The following CSNK2A1 variants were observed in gnomAD, a reference collection of about 807,000 sequenced individuals.
The protein encoded by CSNK2A1 is casein kinase 2 alpha 1.
CSNK2A1 carries 10 observed loss-of-function variants against 62.9 expected under a neutral mutation model. The ratio of observed to expected loss-of-function variants is 0.16; its 90% CI spans 0.10 to 0.27. The LOEUF is 0.27. CSNK2A1 is among the 10% of genes least tolerant of loss of function. The pLI is 1.00. For missense variants in CSNK2A1, 160 were observed against 492.0 expected (o/e 0.33, Z 6.38); for synonymous variants, 124 against 167.8 (o/e 0.74, Z 2.02).
intron 11 of CSNK2A1, 26 bp downstream of exon 11, chr20:488,652 T>C (rs1211048795): frequency 6.2e-7 from 1 of 1,605,992 alleles, no homozygotes; most frequent in African/African-American, 1.3e-5. Context: ...AAGCCACAGA[T>C]GCACATATTT....
At chr20:542,955 A>G (rs1282615020) in intron 1 of CSNK2A1, 3 of 152,394 alleles carry the variant, frequency 2.0e-5, no homozygotes, top group Admixed American at 2.0e-4. Context: ...ATGTTCCAAC[A>G]CTGCAAAAAA....
intron 2 of CSNK2A1, among the ~76,000 whole-genome samples, chr20:523,668 G>T (rs953294218): frequency 1.3e-5 from 2 of 152,024 alleles, no homozygotes; most frequent in Non-Finnish European, 2.9e-5. Flanking sequence ...GAAGCGGATG[G>T]ATCACAAGGT....
intron 1 of CSNK2A1, among the ~76,000 whole-genome samples, chr20:535,205 C>G (rs1402898388): frequency 6.6e-6 from 1 of 151,614 alleles, no homozygotes; most frequent in Non-Finnish European, 1.5e-5. Context: ...AAAAAATTAA[C>G]AACTACCCAC....
chr20:476,904 T>G lies in CSNK2A1; in HGVS notation c.*7057A>C, dbSNP rs2017859466. The G allele has an allele frequency of 6.6e-6, 1 of 152,242 alleles. No homozygotes were observed. The highest frequency in any genetic ancestry group is 1.9e-4 in the East Asian group (1 of 5,182). 9.4% of individuals were successfully genotyped at this position (152,242 alleles called of 1,614,324 possible). On this transcript the variant is annotated 3_prime_UTR_variant, in exon 14 of 14. Transcript: ENST00000217244. ...CTTTTTTTCAATTAATAACAACTTCTTTTACAGACAGGGTCTCACTCTGTT... is the reference window on the plus strand; with the variant it reads ...CTTTTTTTCAATTAATAACAACTTCGTTTACAGACAGGGTCTCACTCTGTT...
chr20:537,819 C>T (rs574953602), intron 1 of CSNK2A1, among the ~76,000 whole-genome samples: 105 of 152,154 alleles, frequency 6.9e-4, no homozygotes, highest in Non-Finnish European at 6.8e-4. Flanking sequence ...TCAAGTATCA[C>T]ATTATTTATT....
chr20:497,672 C>T, intron 7 of CSNK2A1, 49 bp downstream of exon 7: 1 of 1,499,736 alleles, frequency 6.7e-7, no homozygotes, highest in Non-Finnish European at 9.2e-7. Flanking sequence ...GACTATTTAA[C>T]AAAAAGAAGA....
intron 1 of CSNK2A1, among the ~76,000 whole-genome samples, chr20:531,341 G>C (rs2019208364): frequency 1.3e-5 from 2 of 152,104 alleles, no homozygotes; most frequent in African/African-American, 2.4e-5. Flanking sequence ...ACCCAATGGA[G>C]ATACCACACG....
intron 8 of CSNK2A1, among the ~76,000 whole-genome samples, chr20:493,133 CCT>C (rs1302087109): frequency 1.3e-5 from 2 of 152,204 alleles, no homozygotes; most frequent in African/African-American, 2.4e-5. Flanking sequence ...TCAGTCTCCC[CCT>C]GTTCGGTTAA....
intron 8 of CSNK2A1, among the ~76,000 whole-genome samples, chr20:493,219 A>G (rs998948037): frequency 6.6e-6 from 1 of 152,118 alleles, no homozygotes; most frequent in Non-Finnish European, 1.5e-5. Context: ...CAGACCTCAC[A>G]TTTAATCTGT....
In CSNK2A1 at chr20:526,997, C is replaced by CAGAGAGAGAG. The variant is rs1186187834; in HGVS notation, c.-110+935_-110+936insCTCTCTCTCT. 5.6e-5 allele frequency: 3 copies of CAGAGAGAGAG among 53,938 alleles called. No individual in the cohort carries two copies. The East Asian group carries it at 1.5e-3, about 27-fold the overall frequency. 3.3% of individuals were successfully genotyped at this position (53,938 alleles called of 1,614,324 possible). A position where few individuals can be genotyped will look rare whatever the true frequency, so the allele number is the denominator to read the frequency against. On this transcript the variant is annotated intron_variant, in intron 2 of 13. Coordinates refer to ENST00000217244, the MANE Select transcript of CSNK2A1 (RefSeq NM_177559.3). The stretch of plus-strand genomic sequence containing the variant: ...AGAGAGAGAGAGAAAGAGAGAGAGA[C>CAGAGAGAGAG]AGACAGAGAGAGAGAGAGAGAGAGA...
intron 4 of CSNK2A1, chr20:501,687 G>A (rs2018474309): frequency 6.6e-6 from 1 of 152,138 alleles, no homozygotes; most frequent in South Asian, 2.1e-4. Context: ...GACTGTGCAG[G>A]TCTTTTCCTA....
At chr20:529,679 ATCT>A (rs1388309279) in intron 1 of CSNK2A1, among the ~76,000 whole-genome samples, 1 of 152,238 alleles carries the variant, frequency 6.6e-6, no homozygotes, top group Non-Finnish European at 1.5e-5. Context: ...GTAAGAACAA[ATCT>A]TCTATCAGTG....
chr20:525,254 G>A (rs191777434), intron 2 of CSNK2A1, among the ~76,000 whole-genome samples: 1 of 152,156 alleles, frequency 6.6e-6, no homozygotes, highest in East Asian at 1.9e-4. Context: ...GCTCATGCCT[G>A]TAATCCCAGC....
chr20:504,850 C>T (rs1197654889), intron 4 of CSNK2A1: 5 of 391,882 alleles, frequency 1.3e-5, no homozygotes, highest in African/African-American at 1.0e-4. Context: ...AAGTATTAGG[C>T]AATAACTGGG....
At chr20:522,904 G>C (rs184603449) in intron 2 of CSNK2A1, among the ~76,000 whole-genome samples, 1 of 152,184 alleles carries the variant, frequency 6.6e-6, no homozygotes, top group Admixed American at 6.5e-5. Context: ...TCAAACGCCT[G>C]GCCTCAAGCA....
chr20:538,068 T>C (rs2019372422), intron 1 of CSNK2A1, among the ~76,000 whole-genome samples: 1 of 151,642 alleles, frequency 6.6e-6, no homozygotes, highest in African/African-American at 2.4e-5. Context: ...CAGGTTCAAG[T>C]GATTCTCAGC....
At chr20:502,120 C>T (rs1166175212) in intron 4 of CSNK2A1, 1 of 152,206 alleles carries the variant, frequency 6.6e-6, no homozygotes, top group Non-Finnish European at 1.5e-5. Flanking sequence ...TAGTGATTTA[C>T]ATACCACAGT....
In CSNK2A1 at chr20:493,672, TTG is replaced by T. The variant is rs1372810179; in HGVS notation, c.511-1310_511-1309del. Among the ~76,000 whole-genome samples, 3 of 152,320 alleles carry T rather than the reference TTG, an allele frequency of 2.0e-5. No individual in the cohort carries two copies. The South Asian group carries it at 6.2e-4, about 32-fold the overall frequency. On this transcript the variant is annotated intron_variant, in intron 8 of 13. Coordinates refer to ENST00000217244, the MANE Select transcript of CSNK2A1 (RefSeq NM_177559.3). ...ACCAGTTTTACATGCACGCATGTGT[TTG>T]TGTGTGTGTTTCTATGCAATTTCAT... is the stretch of plus-strand genomic sequence containing the variant.
At chr20:538,817 A>G (rs1015308846) in intron 1 of CSNK2A1, among the ~76,000 whole-genome samples, 2 of 152,218 alleles carry the variant, frequency 1.3e-5, no homozygotes, top group Non-Finnish European at 2.9e-5. Flanking sequence ...ATAGAAACCC[A>G]TTATTAAGCC....
Sources: gnomAD v4.1 joint callset for allele counts (sites outside exome capture counted in the v4.1 genomes callset) on GRCh38, gnomAD v4.1.1 for gene constraint, MANE v1.5 for transcripts, NCBI Gene and HGNC (gene_info 2026-07-23, HGNC 2026-07-21) for gene names.